The following WNT5B variants were observed in gnomAD, a reference collection of about 807,000 sequenced individuals.
The protein encoded by WNT5B is Wnt family member 5B.
A neutral mutation model predicts 36.5 loss-of-function variants in WNT5B; 18 were observed. The ratio of observed to expected loss-of-function variants is 0.49; its 90% CI spans 0.34 to 0.73. The LOEUF (loss-of-function observed/expected upper bound fraction) is 0.73. Among genes scored for constraint, WNT5B ranks in the 30% least tolerant of loss-of-function variants. The probability of loss-of-function intolerance (pLI) is 0.01; values close to 1 mark genes in which losing one functional copy is unlikely to be tolerated. For synonymous variants in WNT5B, 213 were observed against 212.3 expected (o/e 1.00, Z -0.03); for missense variants, 424 against 508.4 (o/e 0.83, Z 1.60).
At chr12:1,625,738 A>G (rs2094540043), upstream of WNT5B, among the ~76,000 whole-genome samples, 1 of 152,100 alleles carries the variant, frequency 6.6e-6, no homozygotes. Context: ...ATCTCGGCTC[A>G]CTGCAAGCTC....
At chr12:1,645,180 CT>C in intron 4 of WNT5B, 1 of 152,336 alleles carries the variant, frequency 6.6e-6, no homozygotes, top group Admixed American at 6.5e-5. Flanking sequence ...CAATTGGATT[CT>C]TTTTTCTGAC....
At chr12:1,623,357 A>G (rs1248813807) in intron 1 of WNT5B, among the ~76,000 whole-genome samples, 47 of 150,708 alleles carry the variant, frequency 3.1e-4, no homozygotes, top group African/African-American at 9.7e-4. Context: ...CACCACACCC[A>G]GCTAATTTTT....
Position 1,630,360 on chromosome 12 carries a change from T to C in WNT5B, c.-57-938T>C, listed in dbSNP as rs1260035929. 4 of 486,708 alleles carry C rather than the reference T, an allele frequency of 8.2e-6. No homozygotes were observed. Among genetic ancestry groups the C allele is most frequent in the Non-Finnish European group, 8.0e-6 (3 of 374,992 alleles). The allele number at this position is 486,708 out of a possible 1,614,324, so 30.1% of individuals were successfully genotyped here. ...TCTAGCAGCACTGACCTGCTGCGGGTCCCAGGGCCTGGGGACAGGGGCTCT... is the reference window on the plus strand; with the variant it reads ...TCTAGCAGCACTGACCTGCTGCGGGCCCCAGGGCCTGGGGACAGGGGCTCT... On this transcript the variant is annotated intron_variant, in intron 1 of 4. Transcript: ENST00000397196. The surrounding 1 kb of genome is among the most constrained non-coding windows in gnomAD (Gnocchi z 5.3).
rs1458805091 is a variant in WNT5B at position 1,633,189 on chromosome 12, A to T, written c.328+284A>T. ...AGAGGGGGCAGGTTGCTTGGGACTC[A>T]CTGAGAGGGGGCAGGACATCTGAGT... On this transcript the variant is annotated intron_variant, in intron 3 of 4. Coordinates refer to ENST00000397196, the MANE Select transcript of WNT5B (RefSeq NM_032642.3). The surrounding 1 kb of genome is among the most constrained non-coding windows in gnomAD (Gnocchi z 4.8). 6.6e-6 allele frequency among the ~76,000 whole-genome samples: 1 copy of T among 152,096 alleles called. No individual in the cohort carries two copies. Among genetic ancestry groups the T allele is most frequent in the Non-Finnish European group, 1.5e-5 (1 of 68,016 alleles).
chr12:1,641,385 C>CAAAA (rs1371392049), intron 4 of WNT5B, among the ~76,000 whole-genome samples: 4 of 100,972 alleles, frequency 4.0e-5, no homozygotes, highest in African/African-American at 1.4e-4. Flanking sequence ...GACTCCATCT[C>CAAAA]AAAAAAAAAA....
Position 1,639,995 on chromosome 12 carries a change from GC to G in WNT5B, c.621+21del. 1.3e-6 allele frequency: 2 copies of G among 1,599,548 alleles called. No homozygotes were observed. The highest frequency in any genetic ancestry group is 1.7e-6 in the Non-Finnish European group (2 of 1,173,862). Reference sequence around the variant, plus strand: ...TCGCAGGGTAAGCTGGGCCTCCCCGGCCTCCCCAGCACTGCAGACCTAGGGG... The same window carrying G: ...TCGCAGGGTAAGCTGGGCCTCCCCGGCTCCCCAGCACTGCAGACCTAGGGG... On this transcript the variant is annotated intron_variant, in intron 4 of 4. Coordinates refer to ENST00000397196, the MANE Select transcript of WNT5B (RefSeq NM_032642.3).
Position 1,631,331 on chromosome 12 carries a change from C to A in WNT5B, c.-24C>A. 6.2e-7 allele frequency: 1 copy of A among 1,613,786 alleles called. No individual in the cohort carries two copies. Among genetic ancestry groups the A allele is most frequent in the Non-Finnish European group, 8.5e-7 (1 of 1,179,794 alleles). On this transcript the variant is annotated 5_prime_UTR_variant, in exon 2 of 5. Coordinates refer to ENST00000397196, the MANE Select transcript of WNT5B (RefSeq NM_032642.3). ...ACTCTGGAAACTGTCAGTCCCAGGG[C>A]ACTGGGGAGGGCTGAGGCCGACCAT...
At chr12:1,642,319 A>C (rs968195870) in intron 4 of WNT5B, among the ~76,000 whole-genome samples, 5 of 152,186 alleles carry the variant, frequency 3.3e-5, no homozygotes, top group Non-Finnish European at 5.9e-5. Context: ...CCCAGAGTCG[A>C]TCCAGTTTTT....
intron 4 of WNT5B, among the ~76,000 whole-genome samples, chr12:1,642,409 C>A (rs1386050828): frequency 6.6e-6 from 1 of 152,224 alleles, no homozygotes. Flanking sequence ...ATCGGGCATT[C>A]TTGCTCTTCT....
upstream of WNT5B, among the ~76,000 whole-genome samples, chr12:1,624,652 T>C (rs2094538675): frequency 6.6e-6 from 1 of 152,214 alleles, no homozygotes. Context: ...TAAATGTTGA[T>C]TAATACTAGC....
rs373230963 is a variant in WNT5B, at chr12:1,639,789, G to T, written c.434G>T (p.Arg145Leu). 7 of 1,611,380 alleles carry T rather than the reference G, an allele frequency of 4.3e-6. No homozygotes were observed. The highest frequency in any genetic ancestry group is 1.3e-5 in the African/African-American group (1 of 74,822). The change falls in exon 4 of 5, where the codon CGG becomes CTG. Residue 145 changes from arginine (R) to leucine (L), a missense_variant. Arg to Leu is a moderately radical substitution (Grantham distance 102). Transcript: ENST00000397196. ...GAGCTCTCCACCTGCGGCTGCAGCC[G>T]GACGGCGCGGCCCAAGGACCTGCCC... ...EGELSTCGCSRTARPKDLPRD... is the reference protein window; with the variant it reads ...EGELSTCGCSLTARPKDLPRD...
rs190964229 is a variant in WNT5B, at chr12:1,622,472, A to G, written c.-58+5329A>G. Among the ~76,000 whole-genome samples the G allele has an allele frequency of 9.9e-5, 15 of 152,230 alleles. No individual in the cohort carries two copies. The East Asian group carries it at 1.9e-3, about 20-fold the overall frequency. ...TTATGTCTTTGAGGAAAAGACAGAGAGTTATGTCTGGGACCAGGAATCTCC... is the reference window on the plus strand; with the variant it reads ...TTATGTCTTTGAGGAAAAGACAGAGGGTTATGTCTGGGACCAGGAATCTCC... On this transcript the variant is annotated intron_variant, in intron 1 of 4. Transcript: ENST00000310594.
chr12:1,643,528 G>A (rs1000862044), intron 4 of WNT5B, among the ~76,000 whole-genome samples: 9 of 151,914 alleles, frequency 5.9e-5, no homozygotes, highest in African/African-American at 2.2e-4. Flanking sequence ...ACCACGCCTG[G>A]GCTAATTTTG....
At chr12:1,639,285 C>G (rs578178432) in intron 3 of WNT5B, among the ~76,000 whole-genome samples, 7 of 151,518 alleles carry the variant, frequency 4.6e-5, no homozygotes, top group Admixed American at 6.6e-5. Flanking sequence ...CTACAGGCGC[C>G]CGCCACCACG....
At chr12:1,629,856 G>A (rs73607853) in intron 1 of WNT5B, 23,018 of 149,160 alleles carry the variant, frequency 0.15, 2,012 homozygotes, top group Middle Eastern at 0.21. Flanking sequence ...GGGTCTGAGG[G>A]GAGTCGGGCG....
Position 1,645,927 on chromosome 12 carries a change from C to T in WNT5B, c.755C>T (p.Ala252Val), listed in dbSNP as rs1248072165. ...GDRLKEKYDS[A>V]AAMRVTRKGR... ...CGGCTGAAGGAGAAGTACGACAGCG[C>T]GGCCGCCATGCGCGTCACCCGCAAG... The change falls in exon 5 of 5, where the codon GCG becomes GTG. Residue 252 changes from alanine (A) to valine (V), a missense_variant. Transcript: ENST00000397196. 5 of 1,610,190 alleles carry T rather than the reference C, an allele frequency of 3.1e-6. No individual in the cohort carries two copies. The highest frequency in any genetic ancestry group is 2.5e-6 in the Non-Finnish European group (3 of 1,179,854).
At position 1,618,104 on chromosome 12, in the gene WNT5B, C is replaced by G. The variant is rs1268054760; in HGVS notation, c.-58+961C>G. Among the ~76,000 whole-genome samples the G allele has an allele frequency of 1.3e-5, 2 of 152,088 alleles. No homozygotes were observed. The highest frequency in any genetic ancestry group is 1.5e-5 in the Non-Finnish European group (1 of 68,014). The stretch of plus-strand genomic sequence containing the variant: ...CTGCAGTGAGCTGTGATCATGCCAC[C>G]GTACTCCAGCCTGGGTGACAGTGAG... On this transcript the variant is annotated intron_variant, in intron 1 of 4. Transcript: ENST00000310594. The surrounding 1 kb of genome is among the most constrained non-coding windows in gnomAD (Gnocchi z 4.1).
chr12:1,626,157 CTG>C (rs1257613080), upstream of WNT5B, among the ~76,000 whole-genome samples: 2 of 151,672 alleles, frequency 1.3e-5, no homozygotes, highest in African/African-American at 2.4e-5. Flanking sequence ...CAGGGTCTCA[CTG>C]TGTTGCCTAG....
rs1268451340 is a variant in WNT5B at position 1,633,368 on chromosome 12, G to T, written c.328+463G>T. On this transcript the variant is annotated intron_variant, in intron 3 of 4. Transcript: ENST00000397196. The surrounding 1 kb of genome is among the most constrained non-coding windows in gnomAD (Gnocchi z 4.8). The stretch of plus-strand genomic sequence containing the variant: ...CAACCTTTGACAGAGAGATAGAAAT[G>T]TCGGCCAAAGTGTTGATAGCTGTCA... Among the ~76,000 whole-genome samples, 3 of 152,194 alleles carry T rather than the reference G, an allele frequency of 2.0e-5. No individual in the cohort carries two copies. The highest frequency in any genetic ancestry group is 4.4e-5 in the Non-Finnish European group (3 of 68,040).
Sources: gnomAD v4.1 joint callset for allele counts (sites outside exome capture counted in the v4.1 genomes callset) on GRCh38, gnomAD v4.1.1 for gene constraint, Gnocchi (gnomAD v3.1) non-coding constraint, MANE v1.5 for transcripts, NCBI Gene and HGNC (gene_info 2026-07-23, HGNC 2026-07-21) for gene names.